Variants in C6 observed in about 807,000 individuals in gnomAD.
C6 encodes the protein complement component C6.
In C6, 101 loss-of-function variants were observed where a neutral mutation model predicts 112.9. The ratio of observed to expected loss-of-function variants is 0.89; its 90% confidence interval spans 0.76 to 1.06. The LOEUF (loss-of-function observed/expected upper bound fraction) is 1.06, where lower values mean the gene tolerates loss of function less well. Ranked by LOEUF, C6 falls within the 50% of genes least tolerant of loss-of-function variation. The probability of loss-of-function intolerance (pLI) is 0.00; values close to 1 mark genes in which losing one functional copy is unlikely to be tolerated. For missense variants in C6, 1,202 were observed against 1,104.6 expected (o/e 1.09, Z -1.25); for synonymous variants, 431 against 384.1 (o/e 1.12, Z -1.43).
chr5:41,235,066 T>A (rs1740175009), intron 1 of C6, among the ~76,000 whole-genome samples: 1 of 112,442 alleles, frequency 8.9e-6, no homozygotes, highest in Non-Finnish European at 2.0e-5. Context: ...TTCTTTTTTT[T>A]TTTTTTTAAT....
chr5:41,199,952 G>C, intron 3 of C6, 40 bp from the exon 4 acceptor site: 2 of 1,608,790 alleles, frequency 1.2e-6, no homozygotes, highest in Non-Finnish European at 1.7e-6. Flanking sequence ...CTGAGGCAGG[G>C]TCAAGGTCAA....
At chr5:41,183,410 C>T (rs1749512164) in intron 6 of C6, among the ~76,000 whole-genome samples, 1 of 151,888 alleles carries the variant, frequency 6.6e-6, no homozygotes, top group African/African-American at 2.4e-5. Context: ...CAGAGAAATG[C>T]AAATCAAAGC....
chr5:41,178,203 T>C (rs1436889034), intron 7 of C6, among the ~76,000 whole-genome samples: 1 of 152,172 alleles, frequency 6.6e-6, no homozygotes, highest in African/African-American at 2.4e-5. Flanking sequence ...GAGGTCCTGC[T>C]TTATTTTAAT....
intron 10 of C6, among the ~76,000 whole-genome samples, chr5:41,160,793 A>G (rs1485679852): frequency 2.0e-5 from 3 of 152,108 alleles, no homozygotes; most frequent in Non-Finnish European, 4.4e-5. Context: ...TTTTTCCAGG[A>G]CAGTTTTGGC....
intron 1 of C6, among the ~76,000 whole-genome samples, chr5:41,222,159 C>T (rs1739211051): frequency 2.0e-5 from 3 of 147,568 alleles, no homozygotes; most frequent in Admixed American, 2.0e-4. Flanking sequence ...GAGAGAGACT[C>T]CATCTCAAAA....
Position 41,142,972 on chromosome 5 carries a change from T to C in C6, c.2658A>G (p.Pro886=), listed in dbSNP as rs1476499449. The C allele has an allele frequency of 1.9e-6, 3 of 1,613,374 alleles. No homozygotes were observed. The highest frequency in any genetic ancestry group is 2.7e-5 in the African/African-American group (2 of 74,822). The part of the protein sequence containing the change: ...STSKCVCLLP[P]QCFKGGNQLY... Reference sequence around the variant, plus strand: ...GTTGGTTTCCACCCTTGAAGCACTGTGGGGGCAATAGGCAGACACATTTGG... The same window carrying C: ...GTTGGTTTCCACCCTTGAAGCACTGCGGGGGCAATAGGCAGACACATTTGG... The change falls in exon 18 of 18, where the codon CCA becomes CCG. Residue 886 remains proline, a synonymous_variant. Transcript: ENST00000337836.
chr5:41,234,015 G>A (rs916470733), intron 1 of C6, among the ~76,000 whole-genome samples: 1 of 151,956 alleles, frequency 6.6e-6, no homozygotes, highest in South Asian at 2.1e-4. Flanking sequence ...AACCTTCAAA[G>A]TATTGCTATA....
chr5:41,248,724 G>A (rs1741167651), intron 1 of C6, among the ~76,000 whole-genome samples: 1 of 152,154 alleles, frequency 6.6e-6, no homozygotes, highest in African/African-American at 2.4e-5. Context: ...GCTGCTGGTG[G>A]GAATGTAAGT....
chr5:41,228,449 C>A lies in C6; in HGVS notation c.-20-25199G>T, dbSNP rs138768498. On this transcript the variant is annotated intron_variant, in intron 1 of 17. Coordinates refer to the C6 transcript ENST00000263413. Reference sequence around the variant, plus strand: ...CCTTTCCCATTTGGATATCTTATTTCTTTCTCTTGCTTAATTGCTCTGGCT... The same window carrying A: ...CCTTTCCCATTTGGATATCTTATTTATTTCTCTTGCTTAATTGCTCTGGCT... Among the ~76,000 whole-genome samples the A allele has an allele frequency of 1.4e-3, 207 of 152,240 alleles. 1 individual carries two copies. Among genetic ancestry groups the A allele is most frequent in the African/African-American group, 4.8e-3 (199 of 41,562 alleles).
intron 5 of C6, among the ~76,000 whole-genome samples, chr5:41,194,016 G>A (rs907266687): frequency 8.5e-5 from 13 of 152,052 alleles, no homozygotes; most frequent in Admixed American, 7.9e-4. Context: ...GGGCCACGTC[G>A]TCCTTCAGCC....
chr5:41,238,488 G>C (rs1740473032), intron 1 of C6, among the ~76,000 whole-genome samples: 3 of 152,168 alleles, frequency 2.0e-5, no homozygotes, highest in Admixed American at 2.0e-4. Context: ...CCCAGGCGAA[G>C]AGGAGAATAT....
At chr5:41,186,769 A>T (rs1407237883) in intron 5 of C6, among the ~76,000 whole-genome samples, 1 of 152,082 alleles carries the variant, frequency 6.6e-6, no homozygotes, top group Non-Finnish European at 1.5e-5. Context: ...AACTTGGTTA[A>T]GTACTTTACT....
At chr5:41,167,309 C>T (rs562927443) in intron 9 of C6, among the ~76,000 whole-genome samples, 1 of 152,138 alleles carries the variant, frequency 6.6e-6, no homozygotes, top group African/African-American at 2.4e-5. Flanking sequence ...ACTAAAATAT[C>T]AAGAGCCACA....
chr5:41,155,782 A>T (rs933155982), intron 13 of C6, among the ~76,000 whole-genome samples: 19 of 152,100 alleles, frequency 1.2e-4, no homozygotes, highest in Middle Eastern at 3.4e-3. Flanking sequence ...CAAAAAAAAA[A>T]TAGAAGAAAC....
chr5:41,195,172 A>G (rs919320661), intron 5 of C6, among the ~76,000 whole-genome samples: 9 of 152,128 alleles, frequency 5.9e-5, no homozygotes, highest in African/African-American at 2.2e-4. Context: ...GGGAGAGAAT[A>G]CCTAGCTATA....
At chr5:41,241,054 G>A (rs1317332884) in intron 1 of C6, among the ~76,000 whole-genome samples, 1 of 152,164 alleles carries the variant, frequency 6.6e-6, no homozygotes, top group East Asian at 1.9e-4. Context: ...GTGGTGCCAG[G>A]CCAGGTGTGC....
At chr5:41,187,566 A>C (rs1231485083) in intron 5 of C6, among the ~76,000 whole-genome samples, 2 of 152,148 alleles carry the variant, frequency 1.3e-5, no homozygotes, top group Non-Finnish European at 2.9e-5. Context: ...TTTTTCTATC[A>C]AAGAGGAGCA....
intron 1 of C6, among the ~76,000 whole-genome samples, chr5:41,237,625 T>G (rs1324427900): frequency 2.0e-3 from 79 of 38,924 alleles, no homozygotes; most frequent in African/African-American, 9.0e-3. Flanking sequence ...AATATCATAC[T>G]GAATGGGCAA....
chr5:41,213,136 T>A (rs1752049661), intron 1 of C6: 2 of 153,084 alleles, frequency 1.3e-5, no homozygotes, highest in Admixed American at 1.3e-4. Context: ...TTGCTTTACT[T>A]TTAACTAATT....
Sources: gnomAD v4.1 joint callset for allele counts (sites outside exome capture counted in the v4.1 genomes callset) on GRCh38, gnomAD v4.1.1 for gene constraint, MANE v1.5 for transcripts, NCBI Gene and HGNC (gene_info 2026-07-23, HGNC 2026-07-21) for gene names.